PRKAR2B: variants seen among roughly 807,000 people sequenced by gnomAD.
The protein encoded by PRKAR2B is cAMP-dependent protein kinase type II-beta regulatory subunit.
Under a neutral mutation model 49.9 loss-of-function variants are expected in PRKAR2B, and 14 were observed. The ratio of observed to expected loss-of-function variants is 0.28; its 90% CI spans 0.19 to 0.44. The LOEUF (loss-of-function observed/expected upper bound fraction) is 0.44. PRKAR2B is among the 20% of genes least tolerant of loss of function. The pLI is 1.00. For synonymous variants in PRKAR2B, 196 were observed against 197.7 expected, an observed-to-expected ratio of 0.99 and a Z score of 0.07; for missense variants, 393 against 537.9, an observed-to-expected ratio of 0.73 and a Z score of 2.67.
intron 6 of PRKAR2B, among the ~76,000 whole-genome samples, chr7:107,146,765 C>CT (rs1294047472): frequency 1.3e-5 from 2 of 152,174 alleles, no homozygotes; most frequent in Admixed American, 6.5e-5. Flanking sequence ...CAAACACAGC[C>CT]TTAAGTACTT....
rs1373041876 is a variant in PRKAR2B, at chr7:107,161,485, G to GCA, written c.*1907_*1908dup. 1 of 152,544 alleles carries GCA rather than the reference G, an allele frequency of 6.6e-6. No homozygotes were observed. The highest frequency in any genetic ancestry group is 1.5e-5 in the Non-Finnish European group (1 of 68,004). The allele number at this position is 152,544 out of a possible 1,614,324, so 9.4% of individuals were successfully genotyped here. On this transcript the variant is annotated 3_prime_UTR_variant, in exon 11 of 11. Transcript: ENST00000265717. ...ATATTTAAATTTTCCTTACAATAAAGCACACTTTTATAATAAAATACATGA... is the reference window on the plus strand; with the variant it reads ...ATATTTAAATTTTCCTTACAATAAAGCACACACTTTTATAATAAAATACATGA...
chr7:107,057,233 A>G (rs1793933877), intron 1 of PRKAR2B, among the ~76,000 whole-genome samples: 1 of 152,130 alleles, frequency 6.6e-6, no homozygotes, highest in Non-Finnish European at 1.5e-5. Context: ...TAAGATTGAA[A>G]TGGACATATC....
intron 1 of PRKAR2B, among the ~76,000 whole-genome samples, chr7:107,058,166 C>T (rs921165127): frequency 1.3e-5 from 2 of 152,072 alleles, no homozygotes; most frequent in African/African-American, 4.8e-5. Context: ...TGTGTGTGTA[C>T]ACAGTCTCCA....
At chr7:107,079,088 T>C (rs117837967) in intron 2 of PRKAR2B, among the ~76,000 whole-genome samples, 1 of 152,122 alleles carries the variant, frequency 6.6e-6, no homozygotes, top group Admixed American at 6.6e-5. Flanking sequence ...ATCTATAAGA[T>C]AGTATAAAAT....
At chr7:107,086,221 C>T (rs1396306903) in intron 2 of PRKAR2B, among the ~76,000 whole-genome samples, 1 of 151,974 alleles carries the variant, frequency 6.6e-6, no homozygotes, top group Non-Finnish European at 1.5e-5. Flanking sequence ...ATCTGAGGTT[C>T]AATGGCTTTG....
chr7:107,084,484 CTT>C (rs1264892218), intron 2 of PRKAR2B, among the ~76,000 whole-genome samples: 3 of 151,914 alleles, frequency 2.0e-5, no homozygotes, highest in Non-Finnish European at 2.9e-5. Flanking sequence ...AAATAGGAAA[CTT>C]ATACATTTTT....
At chr7:107,106,679 C>T (rs1040528105) in intron 2 of PRKAR2B, among the ~76,000 whole-genome samples, 1 of 152,140 alleles carries the variant, frequency 6.6e-6, no homozygotes, top group Admixed American at 6.5e-5. Context: ...GGATTCACTT[C>T]CTTGGGCAGT....
At chr7:107,095,684 C>T (rs1196607452) in intron 2 of PRKAR2B, among the ~76,000 whole-genome samples, 1 of 152,098 alleles carries the variant, frequency 6.6e-6, no homozygotes, top group Non-Finnish European at 1.5e-5. Flanking sequence ...CCCATCAGTA[C>T]CTAGTTTATT....
chr7:107,122,193 A>T (rs1226531719), intron 3 of PRKAR2B, among the ~76,000 whole-genome samples, 189 bp downstream of exon 3: 2 of 152,202 alleles, frequency 1.3e-5, no homozygotes, highest in African/African-American at 4.8e-5. Flanking sequence ...AATTATTTTT[A>T]TCCAGAGAGT....
chr7:107,120,045 G>C (rs1795358975), intron 2 of PRKAR2B, among the ~76,000 whole-genome samples: 1 of 152,186 alleles, frequency 6.6e-6, no homozygotes, highest in Admixed American at 6.5e-5. Context: ...ATGTATGTAT[G>C]ATCTTGGCTT....
intron 2 of PRKAR2B, among the ~76,000 whole-genome samples, chr7:107,093,553 G>A (rs189163142): frequency 1.2e-3 from 185 of 148,920 alleles, no homozygotes; most frequent in African/African-American, 4.4e-3. Context: ...GGGTACATGT[G>A]TACAACGTGC....
In PRKAR2B at chr7:107,044,836, G is replaced by A. The variant is rs1422951378; in HGVS notation, c.-72G>A. The A allele has an allele frequency of 6.5e-6, 8 of 1,238,586 alleles. No homozygotes were observed. In the African/African-American group the frequency reaches 1.1e-4, roughly 17 times the overall value. 76.7% of individuals were successfully genotyped at this position (1,238,586 alleles called of 1,614,324 possible). A position where few individuals can be genotyped will look rare whatever the true frequency, so the allele number is the denominator to read the frequency against. On this transcript the variant is annotated 5_prime_UTR_variant, in exon 1 of 11. Transcript: ENST00000265717. The stretch of plus-strand genomic sequence containing the variant: ...CAGCGCCGTAGGCGCTCGCTCGGCA[G>A]CCGCGGGGCCCTAGGCCGTGCCGGG...
intron 2 of PRKAR2B, among the ~76,000 whole-genome samples, chr7:107,083,072 G>GT (rs1036550582): frequency 3.9e-5 from 6 of 151,978 alleles, no homozygotes; most frequent in Non-Finnish European, 8.8e-5. Flanking sequence ...GTCTCAAAAT[G>GT]TTTTTTATGA....
At chr7:107,056,258 C>G (rs1410929640) in intron 1 of PRKAR2B, among the ~76,000 whole-genome samples, 1 of 152,124 alleles carries the variant, frequency 6.6e-6, no homozygotes, top group Non-Finnish European at 1.5e-5. Flanking sequence ...ATGATGCCTC[C>G]AGCTTTGTTC....
chr7:107,112,098 C>T (rs952080081), intron 2 of PRKAR2B, among the ~76,000 whole-genome samples: 2 of 144,738 alleles, frequency 1.4e-5, no homozygotes, highest in Admixed American at 1.4e-4. Flanking sequence ...AGCCTGAGCC[C>T]AGGAGTTTGA....
intron 1 of PRKAR2B, among the ~76,000 whole-genome samples, chr7:107,058,814 G>A (rs1793966992): frequency 1.3e-5 from 2 of 152,182 alleles, no homozygotes; most frequent in South Asian, 2.1e-4. Flanking sequence ...TGATAGTATC[G>A]GAGCATAGTG....
chr7:107,049,432 T>G (rs1793759451), intron 1 of PRKAR2B, among the ~76,000 whole-genome samples: 1 of 152,136 alleles, frequency 6.6e-6, no homozygotes. Flanking sequence ...AAATAGAAAT[T>G]TACCATGTAA....
intron 2 of PRKAR2B, among the ~76,000 whole-genome samples, chr7:107,093,335 A>G (rs1306743885): frequency 6.6e-6 from 1 of 152,142 alleles, no homozygotes; most frequent in Non-Finnish European, 1.5e-5. Context: ...ATTCCCACTA[A>G]CAGTTCACAA....
chr7:107,077,336 C>G (rs1392792144), intron 2 of PRKAR2B: 1 of 152,148 alleles, frequency 6.6e-6, no homozygotes, highest in Non-Finnish European at 1.5e-5. Flanking sequence ...AGTGCGCAGT[C>G]TAGCAGGGAA....
Sources: gnomAD v4.1 joint callset for allele counts (sites outside exome capture counted in the v4.1 genomes callset) on GRCh38, gnomAD v4.1.1 for gene constraint, MANE v1.5 for transcripts, NCBI Gene and HGNC (gene_info 2026-07-23, HGNC 2026-07-21) for gene names.